Variants in TMEM87A observed in about 807,000 individuals in gnomAD.
TMEM87A encodes the protein transmembrane protein 87A.
In TMEM87A, 50 loss-of-function variants were observed where a neutral mutation model predicts 90.0. The ratio of observed to expected loss-of-function variants is 0.56; its 90% CI spans 0.44 to 0.70. The LOEUF is 0.70. TMEM87A is among the 30% of genes least tolerant of loss of function. TMEM87A has a pLI of 0.00. For missense variants in TMEM87A, 577 were observed against 660.5 expected, an observed-to-expected ratio of 0.87 and a Z score of 1.39; for synonymous variants, 226 against 226.7, an observed-to-expected ratio of 1.00 and a Z score of 0.03.
intron 15 of TMEM87A, among the ~76,000 whole-genome samples, chr15:42,223,617 T>TG (rs2050536210): frequency 6.6e-6 from 1 of 152,150 alleles, no homozygotes; most frequent in Non-Finnish European, 1.5e-5. Flanking sequence ...TTCCACCTTC[T>TG]GTCATGTGAC....
intron 15 of TMEM87A, chr15:42,224,259 T>C (rs552942578): frequency 1.3e-5 from 2 of 152,342 alleles, no homozygotes; most frequent in East Asian, 3.9e-4. Context: ...AGTATGTGAT[T>C]GAGCCCCAGT....
intron 15 of TMEM87A, among the ~76,000 whole-genome samples, chr15:42,222,494 A>G (rs1471544726): frequency 6.6e-6 from 1 of 152,150 alleles, no homozygotes; most frequent in African/African-American, 2.4e-5. Flanking sequence ...CTGATGCAGG[A>G]GCAGAACAGA....
Position 42,273,213 on chromosome 15 carries a change from C to G in TMEM87A, c.144+42G>C, listed in dbSNP as rs570327484. 2.5e-6 allele frequency: 4 copies of G among 1,610,426 alleles called. No homozygotes were observed. In the African/African-American group the frequency reaches 4.0e-5, roughly 16 times the overall value. ...CCCTTGGGCCGCCGTAGCCCCACCC[C>G]TTGCTCCTCTAGGTTCAGACGTTAG... On this transcript the variant is annotated intron_variant, in intron 1 of 19. Transcript: ENST00000389834.
intron 6 of TMEM87A, chr15:42,258,840 A>G (rs2051231715): frequency 1.3e-6 from 2 of 1,489,936 alleles, no homozygotes; most frequent in Non-Finnish European, 1.8e-6. Flanking sequence ...ACACTTTCAG[A>G]ATGGCAGAAT....
chr15:42,246,453 AC>A (rs1230490572), intron 6 of TMEM87A, among the ~76,000 whole-genome samples: 1 of 151,382 alleles, frequency 6.6e-6, no homozygotes, highest in Non-Finnish European at 1.5e-5. Context: ...CCAGCCCCCG[AC>A]CCGACGACAG....
chr15:42,266,507 C>T (rs1164585396), intron 3 of TMEM87A, among the ~76,000 whole-genome samples: 2 of 96,168 alleles, frequency 2.1e-5, no homozygotes, highest in Middle Eastern at 0.01. Context: ...CAGAGTGAGA[C>T]TCCATCTCAA....
intron 9 of TMEM87A, among the ~76,000 whole-genome samples, 164 bp downstream of exon 9, chr15:42,237,268 A>T (rs1033680933): frequency 1.3e-5 from 2 of 152,232 alleles, no homozygotes; most frequent in African/African-American, 4.8e-5. Flanking sequence ...CTGAACTCAT[A>T]AGATTAAAAA....
chr15:42,211,866 G>T, intron 19 of TMEM87A, 117 bp from the exon 20 acceptor site: 1 of 959,800 alleles, frequency 1.0e-6, no homozygotes, highest in Non-Finnish European at 1.6e-6. Flanking sequence ...TTAATTAAAT[G>T]TTTAGAGAAA....
chr15:42,223,307 C>T (rs1241983877), intron 15 of TMEM87A, among the ~76,000 whole-genome samples: 2 of 152,124 alleles, frequency 1.3e-5, no homozygotes, highest in African/African-American at 4.8e-5. Flanking sequence ...GTGGGAGGAT[C>T]ATTTGAGCCC....
chr15:42,244,084 T>A lies in TMEM87A; in HGVS notation c.588A>T (p.Ser196=). The change falls in exon 7 of 20, where the codon TCA becomes TCT. Residue 196 remains serine (S), a synonymous_variant. Transcript: ENST00000389834. The part of the protein sequence containing the change: ...VHIGISSSKE[S]SKENSLSNLF... Reference sequence around the variant, plus strand: ...GATTACTCAGTGAATTTTCTTTTGATGATTCCTTTGAGGATGAAATGCCAA... The same window carrying A: ...GATTACTCAGTGAATTTTCTTTTGAAGATTCCTTTGAGGATGAAATGCCAA... 1 of 1,573,768 alleles carries A rather than the reference T, an allele frequency of 6.4e-7. No individual in the cohort carries two copies. The highest frequency in any genetic ancestry group is 1.2e-5 in the South Asian group (1 of 82,330).
At chr15:42,240,221 T>C (rs1057077756) in intron 7 of TMEM87A, among the ~76,000 whole-genome samples, 7 of 152,240 alleles carry the variant, frequency 4.6e-5, no homozygotes, top group Non-Finnish European at 1.0e-4. Flanking sequence ...TATTTTTTCA[T>C]GGACTCCAAT....
At chr15:42,261,175 A>G in intron 5 of TMEM87A, 21 bp downstream of exon 5, 1 of 1,611,060 alleles carries the variant, frequency 6.2e-7, no homozygotes, top group Non-Finnish European at 8.5e-7. Context: ...ACTCTCAGAA[A>G]TATATAATGA....
Position 42,211,472 on chromosome 15 carries a change from G to A in TMEM87A, c.*236C>T, listed in dbSNP as rs2050284939. On this transcript the variant is annotated 3_prime_UTR_variant, in exon 20 of 20. Coordinates refer to ENST00000389834, the MANE Select transcript of TMEM87A (RefSeq NM_015497.5). ...ATCCATGTCAGAGTCTGGGAGGAAA[G>A]GGGGCAGCAGTGTTGTAAATAAGAA... The A allele has an allele frequency of 2.4e-6, 1 of 423,462 alleles. No homozygotes were observed. The highest frequency in any genetic ancestry group is 3.6e-5 in the East Asian group (1 of 27,836). The allele number at this position is 423,462 out of a possible 1,614,324, so 26.2% of individuals were successfully genotyped here. A position where few individuals can be genotyped will look rare whatever the true frequency, so the allele number is the denominator to read the frequency against.
intron 4 of TMEM87A, among the ~76,000 whole-genome samples, chr15:42,263,506 A>G (rs1469825655): frequency 6.6e-6 from 1 of 152,214 alleles, no homozygotes; most frequent in Non-Finnish European, 1.5e-5. Context: ...GCATTTTGGG[A>G]GGCCAAGGTG....
At chr15:42,261,367 T>C (rs1403909044) in intron 4 of TMEM87A, 118 bp from the exon 5 acceptor site, 2 of 690,898 alleles carry the variant, frequency 2.9e-6, no homozygotes, top group Middle Eastern at 3.7e-4. Context: ...GTAAATATAA[T>C]AACACAGCAT....
At chr15:42,217,685 A>C in intron 19 of TMEM87A, 118 bp downstream of exon 19, 1 of 891,222 alleles carries the variant, frequency 1.1e-6, no homozygotes, top group Non-Finnish European at 1.8e-6. Context: ...CAACTATATA[A>C]ACTATAGTTT....
At chr15:42,226,611 G>A (rs2050599202) in intron 15 of TMEM87A, 195 bp downstream of exon 15, 1 of 545,092 alleles carries the variant, frequency 1.8e-6, no homozygotes, top group Non-Finnish European at 3.3e-6. Context: ...ACTAAGGCCA[G>A]AGAGGTGGAG....
intron 15 of TMEM87A, among the ~76,000 whole-genome samples, chr15:42,222,388 T>C (rs2050506633): frequency 6.6e-6 from 1 of 152,054 alleles, no homozygotes; most frequent in African/African-American, 2.4e-5. Context: ...CCAGGTAGTA[T>C]GCAGCTGAGC....
At chr15:42,270,627 A>C (rs1056558831) in intron 2 of TMEM87A, among the ~76,000 whole-genome samples, 2 of 152,274 alleles carry the variant, frequency 1.3e-5, no homozygotes, top group South Asian at 4.1e-4. Context: ...ACTTGGCAAA[A>C]CACCACTAGA....
Sources: allele counts gnomAD v4.1 joint callset (sites outside exome capture counted in the v4.1 genomes callset), GRCh38; gene constraint gnomAD v4.1.1; transcripts MANE v1.5; gene names NCBI Gene and HGNC (gene_info 2026-07-23, HGNC 2026-07-21).